The following EIF4G3 variants were observed in gnomAD, a reference collection of about 807,000 sequenced individuals.
EIF4G3 encodes eIF-4-gamma 3.
A neutral mutation model predicts 186.4 loss-of-function variants in EIF4G3; 34 were observed. The observed-to-expected ratio is 0.18, with a 90% CI of 0.14 to 0.24. EIF4G3 has a LOEUF of 0.24. Ranked by LOEUF, EIF4G3 falls within the 10% of genes least tolerant of loss-of-function variation. EIF4G3 has a pLI of 1.00. For missense variants in EIF4G3, 1,536 were observed against 1,948.5 expected (o/e 0.79, Z 3.99); for synonymous variants, 673 against 679.5 (o/e 0.99, Z 0.15).
chr1:21,088,902 T>C (rs1037910079), intron 3 of EIF4G3, among the ~76,000 whole-genome samples: 2 of 151,824 alleles, frequency 1.3e-5, no homozygotes, highest in Non-Finnish European at 2.9e-5. Flanking sequence ...AGGCCAGAGG[T>C]GAATATTTAC....
At chr1:21,071,817 AAGAG>A (rs1003728021) in intron 3 of EIF4G3, among the ~76,000 whole-genome samples, 5 of 151,992 alleles carry the variant, frequency 3.3e-5, no homozygotes, top group Non-Finnish European at 5.9e-5. Context: ...AAAAAAAAAA[AAGAG>A]AGAGAGGAAA....
At chr1:21,156,507 A>G (rs974100979) in intron 2 of EIF4G3, among the ~76,000 whole-genome samples, 1 of 152,072 alleles carries the variant, frequency 6.6e-6, no homozygotes, top group African/African-American at 2.4e-5. Flanking sequence ...TGGATATTTC[A>G]CTCATTTCAA....
intron 2 of EIF4G3, among the ~76,000 whole-genome samples, chr1:21,160,860 G>A (rs962107500): frequency 6.6e-5 from 10 of 152,294 alleles, no homozygotes; most frequent in Admixed American, 1.3e-4. Flanking sequence ...AGAGTAGGAC[G>A]TGTAGTGCTG....
At chr1:20,845,738 G>A (rs2070750881) in intron 29 of EIF4G3, among the ~76,000 whole-genome samples, 1 of 152,048 alleles carries the variant, frequency 6.6e-6, no homozygotes, top group East Asian at 1.9e-4. Context: ...GCAGTGTGAT[G>A]CCTCCAGTTT....
intron 2 of EIF4G3, among the ~76,000 whole-genome samples, chr1:21,107,336 C>G (rs1043729241): frequency 3.9e-5 from 6 of 152,082 alleles, no homozygotes; most frequent in African/African-American, 1.4e-4. Context: ...CCACCATGCC[C>G]AGCTAATTTT....
At chr1:20,889,378 A>T (rs1325966957) in intron 18 of EIF4G3, among the ~76,000 whole-genome samples, 1 of 152,264 alleles carries the variant, frequency 6.6e-6, no homozygotes, top group Non-Finnish European at 1.5e-5. Context: ...GTTAGTTAAA[A>T]TAAGTATAAA....
intron 2 of EIF4G3, among the ~76,000 whole-genome samples, chr1:21,106,543 T>C (rs114216813): frequency 2.6e-5 from 4 of 152,002 alleles, no homozygotes; most frequent in East Asian, 1.9e-4. Context: ...CAAGTTGAAA[T>C]AGAAGTAGAA....
At chr1:21,100,412 A>G (rs1210031694) in intron 2 of EIF4G3, among the ~76,000 whole-genome samples, 1 of 152,186 alleles carries the variant, frequency 6.6e-6, no homozygotes, top group Non-Finnish European at 1.5e-5. Flanking sequence ...AAAAAAGTAA[A>G]TATTATTGCA....
chr1:20,941,659 T>G lies in EIF4G3; in HGVS notation c.1495A>C (p.Ser499Arg), dbSNP rs1348092939. 3 of 1,613,946 alleles carry G rather than the reference T, an allele frequency of 1.9e-6. No homozygotes were observed. ...ACTCTCTGGACTGTGATGGCAGCAC[T>G]CGGAGAACTAACAGTAGTGGCAGCA... ...PAAATTVSSP[S>R]AAITVQRVLE... is the part of the protein sequence containing the mutation. The change falls in exon 14 of 37, where the codon AGT becomes CGT. Residue 499 changes from serine to arginine, a missense_variant. Ser to Arg is a moderately radical substitution (Grantham distance 110). This residue lies in a region of EIF4G3 where 560 missense variants were observed against 547.8 expected (regional missense o/e 1.02). Coordinates refer to ENST00000602326, the MANE Select transcript of EIF4G3 (RefSeq NM_001391906.1).
chr1:21,123,641 T>C (rs938486279), intron 2 of EIF4G3, among the ~76,000 whole-genome samples: 25 of 151,838 alleles, frequency 1.6e-4, no homozygotes, highest in Admixed American at 3.9e-4. Context: ...TAAAATTTAC[T>C]GGCATTAAGG....
chr1:20,940,365 C>T (rs2095669689), intron 14 of EIF4G3, among the ~76,000 whole-genome samples: 1 of 152,174 alleles, frequency 6.6e-6, no homozygotes, highest in African/African-American at 2.4e-5. Flanking sequence ...TGTGCTGGCT[C>T]ATGGTGTTCT....
intron 22 of EIF4G3, among the ~76,000 whole-genome samples, chr1:20,863,192 T>C (rs1341888029): frequency 6.6e-6 from 1 of 151,910 alleles, no homozygotes; most frequent in Non-Finnish European, 1.5e-5. Flanking sequence ...TGATAGGCAA[T>C]AATATAAATG....
At chr1:21,091,537 A>C (rs2096200939) in intron 2 of EIF4G3, among the ~76,000 whole-genome samples, 1 of 152,126 alleles carries the variant, frequency 6.6e-6, no homozygotes, top group Non-Finnish European at 1.5e-5. Flanking sequence ...CAATTTAAAC[A>C]AGCCAGCTCC....
chr1:20,829,349 A>G (rs945143990), intron 30 of EIF4G3, 77 bp from the exon 31 acceptor site: 29 of 1,531,596 alleles, frequency 1.9e-5, no homozygotes, highest in Non-Finnish European at 2.4e-5. Flanking sequence ...ATAAAAAATC[A>G]GTCAACAAAT....
chr1:21,015,376 T>G (rs928122904), intron 4 of EIF4G3, among the ~76,000 whole-genome samples: 1 of 151,716 alleles, frequency 6.6e-6, no homozygotes, highest in Non-Finnish European at 1.5e-5. Context: ...GGGGGAAAAC[T>G]TCCCACATTT....
intron 12 of EIF4G3, among the ~76,000 whole-genome samples, chr1:20,958,941 G>A (rs930357087): frequency 8.5e-5 from 13 of 152,066 alleles, no homozygotes; most frequent in African/African-American, 3.1e-4. Flanking sequence ...ATCATAGACT[G>A]GAAGAATCAA....
intron 10 of EIF4G3, among the ~76,000 whole-genome samples, chr1:20,978,325 T>A (rs942275347): frequency 1.3e-5 from 2 of 152,202 alleles, no homozygotes; most frequent in Non-Finnish European, 2.9e-5. Flanking sequence ...CTCACATATA[T>A]GTAACACATT....
At chr1:21,056,807 G>T (rs2094579672) in intron 3 of EIF4G3, among the ~76,000 whole-genome samples, 1 of 152,148 alleles carries the variant, frequency 6.6e-6, no homozygotes, top group African/African-American at 2.4e-5. Flanking sequence ...GGCTGGGAGG[G>T]AGCAGAGGTG....
At chr1:21,001,455 G>A (rs540596457) in intron 5 of EIF4G3, 143 bp from the exon 6 acceptor site, 42 of 376,236 alleles carry the variant, frequency 1.1e-4, no homozygotes, top group South Asian at 8.3e-4. Flanking sequence ...AGAATTCTTT[G>A]CAATAGGAGC....
Sources: gnomAD v4.1 joint callset for allele counts (sites outside exome capture counted in the v4.1 genomes callset) on GRCh38, gnomAD v4.1.1 for gene constraint, gnomAD v4.1.1 regional missense constraint, MANE v1.5 for transcripts, NCBI Gene and HGNC (gene_info 2026-07-23, HGNC 2026-07-21) for gene names.